TCF7L2: variants seen among roughly 807,000 people sequenced by gnomAD.
TCF7L2 encodes transcription factor 7 like 2, also known as transcription factor 7-like 2.
TCF7L2 carries 23 observed loss-of-function variants against 77.9 expected under a neutral mutation model. The observed-to-expected ratio is 0.30, with a 90% CI of 0.21 to 0.42. The LOEUF (loss-of-function observed/expected upper bound fraction) is 0.42. Among genes scored for constraint, TCF7L2 ranks in the 10% least tolerant of loss-of-function variants. The pLI, the probability that TCF7L2 is intolerant of heterozygous loss-of-function variation, is 1.00. For missense variants in TCF7L2, 654 were observed against 793.1 expected (o/e 0.82, Z 2.11); for synonymous variants, 413 against 340.2 (o/e 1.21, Z -2.36).
At chr10:113,002,964 A>G (rs916157393) in intron 4 of TCF7L2, among the ~76,000 whole-genome samples, 4 of 152,212 alleles carry the variant, frequency 2.6e-5, no homozygotes, top group African/African-American at 9.7e-5. Context: ...GTGCATGGAT[A>G]TGTGTGCGTG....
intron 5 of TCF7L2, among the ~76,000 whole-genome samples, chr10:113,098,124 C>G (rs1372138169): frequency 6.6e-6 from 1 of 151,594 alleles, no homozygotes; most frequent in African/African-American, 2.4e-5. Context: ...TAGGTCCTTT[C>G]CCTGCCCTTC....
intron 5 of TCF7L2, among the ~76,000 whole-genome samples, chr10:113,072,635 G>A (rs973924947): frequency 2.0e-5 from 3 of 152,170 alleles, no homozygotes; most frequent in Non-Finnish European, 4.4e-5. Context: ...GATTACAGGC[G>A]TGAGCCACTA....
chr10:113,166,243 A>G lies in TCF7L2; in HGVS notation c.*271A>G, dbSNP rs563095246. ...TTTAAAGTCTTTGTAGCGTTTAAAA[A>G]ATATATATATATACATAACTGTTAT... On this transcript the variant is annotated 3_prime_UTR_variant, in exon 14 of 14. Coordinates refer to ENST00000627217, the MANE Select transcript of TCF7L2 (RefSeq NM_001146274.2). 1.3e-5 allele frequency: 4 copies of G among 313,352 alleles called. No individual in the cohort carries two copies. In the South Asian group the frequency reaches 6.2e-4, roughly 48 times the overall value. 19.4% of individuals were successfully genotyped at this position (313,352 alleles called of 1,614,324 possible). A position where few individuals can be genotyped will look rare whatever the true frequency, so the allele number is the denominator to read the frequency against.
chr10:113,083,465 C>G (rs116278878), intron 5 of TCF7L2, among the ~76,000 whole-genome samples: 2,702 of 152,258 alleles, frequency 0.018, 86 homozygotes, highest in African/African-American at 0.061. Flanking sequence ...AAAATGGTAG[C>G]TTATCTGGAG....
chr10:113,158,865 AT>A (rs374863656), intron 12 of TCF7L2, 148 bp downstream of exon 13: 876 of 617,628 alleles, frequency 1.4e-3, no homozygotes, highest in South Asian at 5.4e-3. Flanking sequence ...GTTTCAGTAG[AT>A]TTTTTTTTTC....
intron 13 of TCF7L2, among the ~76,000 whole-genome samples, chr10:113,164,820 C>T (rs901331078): frequency 6.6e-6 from 1 of 150,490 alleles, no homozygotes; most frequent in Non-Finnish European, 1.5e-5. Flanking sequence ...TTTTTGTTTC[C>T]CTTCCTCCCT....
intron 5 of TCF7L2, among the ~76,000 whole-genome samples, chr10:113,112,026 T>A (rs1700471508): frequency 6.6e-6 from 1 of 152,188 alleles, no homozygotes; most frequent in Non-Finnish European, 1.5e-5. Context: ...GATGCCTGGT[T>A]GCATTTGAAA....
rs114897258 is a variant in TCF7L2 at position 113,158,360 on chromosome 10, C to T, written c.1318+291C>T. ...GAGCAAGCGGTAGGCATGCCTATGC[C>T]GGGATTTATACAGTCTGCTTATTTT... On this transcript the variant is annotated intron_variant, in intron 12 of 13. Transcript: ENST00000627217. 6.0e-3 allele frequency among the ~76,000 whole-genome samples: 881 copies of T among 147,292 alleles called. 9 individuals are homozygous for T. Among genetic ancestry groups the T allele is most frequent in the African/African-American group, 0.019 (743 of 39,512 alleles).
At chr10:113,078,029 C>T (rs2058911566) in intron 5 of TCF7L2, among the ~76,000 whole-genome samples, 1 of 151,788 alleles carries the variant, frequency 6.6e-6, no homozygotes, top group Non-Finnish European at 1.5e-5. Flanking sequence ...AGCCACTGTG[C>T]CTGGCCAGGA....
At chr10:113,113,903 C>G (rs770639174) in intron 5 of TCF7L2, among the ~76,000 whole-genome samples, 1 of 152,118 alleles carries the variant, frequency 6.6e-6, no homozygotes, top group African/African-American at 2.4e-5. Context: ...GTCACTTAGC[C>G]TTGAATTTCC....
At chr10:113,129,264 A>G (rs1023056308) in intron 5 of TCF7L2, 22 of 975,564 alleles carry the variant, frequency 2.3e-5, no homozygotes, top group East Asian at 1.1e-4. Flanking sequence ...GGATTTGACA[A>G]TCTTGCAGAT....
chr10:113,107,751 C>CAAAAAAAAA (rs2062551301), intron 5 of TCF7L2, among the ~76,000 whole-genome samples: 2 of 16,170 alleles, frequency 1.2e-4, no homozygotes, highest in Admixed American at 9.3e-4. Context: ...GAGACTCCGT[C>CAAAAAAAAA]TAAAAAAAAA....
Position 113,075,832 on chromosome 10 carries a change from T to C in TCF7L2, c.552+35706T>C, listed in dbSNP as rs188131004. 1.5e-4 allele frequency among the ~76,000 whole-genome samples: 23 copies of C among 152,242 alleles called. No homozygotes were observed. In the Middle Eastern group the frequency reaches 0.017, roughly 113 times the overall value. On this transcript the variant is annotated intron_variant, in intron 5 of 13. Transcript: ENST00000627217. Reference sequence around the variant, plus strand: ...TACCTAATAGTTTTTTGTTTGTTTGTTTGTTTCATTTTGTTTTTAAAGACA... The same window carrying C: ...TACCTAATAGTTTTTTGTTTGTTTGCTTGTTTCATTTTGTTTTTAAAGACA...
At chr10:113,064,734 A>G (rs934604250) in intron 5 of TCF7L2, among the ~76,000 whole-genome samples, 1 of 152,198 alleles carries the variant, frequency 6.6e-6, no homozygotes, top group Non-Finnish European at 1.5e-5. Flanking sequence ...ACTACCACGG[A>G]TGCTTCAGCC....
intron 5 of TCF7L2, among the ~76,000 whole-genome samples, chr10:113,125,243 G>GA (rs11302360): frequency 7.1e-4 from 104 of 146,066 alleles, no homozygotes; most frequent in East Asian, 2.0e-3. Context: ...AAAGATTTCA[G>GA]AAAAAAAAAA....
chr10:113,089,236 T>C (rs751419139), intron 5 of TCF7L2, among the ~76,000 whole-genome samples: 27 of 152,058 alleles, frequency 1.8e-4, no homozygotes, highest in Non-Finnish European at 3.1e-4. Context: ...GGCAGGGAAA[T>C]AGGAGAGTTC....
At chr10:113,163,535 A>G (rs1295414954) in intron 13 of TCF7L2, among the ~76,000 whole-genome samples, 1 of 151,352 alleles carries the variant, frequency 6.6e-6, no homozygotes, top group Non-Finnish European at 1.5e-5. Flanking sequence ...TTTAAAATGC[A>G]TGGACATCTT....
At chr10:113,018,860 G>C (rs1317532637) in intron 4 of TCF7L2, among the ~76,000 whole-genome samples, 2 of 152,150 alleles carry the variant, frequency 1.3e-5, no homozygotes, top group Non-Finnish European at 1.5e-5. Flanking sequence ...TACATTTCCT[G>C]GTCACCTAGC....
chr10:113,118,976 G>A (rs905350907), intron 5 of TCF7L2, among the ~76,000 whole-genome samples: 1 of 152,172 alleles, frequency 6.6e-6, no homozygotes, highest in Non-Finnish European at 1.5e-5. Context: ...GCTTCAAATA[G>A]TCGACGTTAT....
Sources: allele counts gnomAD v4.1 joint callset (sites outside exome capture counted in the v4.1 genomes callset), GRCh38; gene constraint gnomAD v4.1.1; transcripts MANE v1.5; gene names NCBI Gene and HGNC (gene_info 2026-07-23, HGNC 2026-07-21).